RTF2: variants seen among roughly 807,000 people sequenced by gnomAD.
RTF2 encodes UPF0549 protein C20orf43.
A neutral mutation model predicts 38.0 loss-of-function variants in RTF2; 18 were observed. The observed-to-expected ratio is 0.47, with a 90% CI of 0.33 to 0.70. The LOEUF (loss-of-function observed/expected upper bound fraction) is 0.70, where lower values mean the gene tolerates loss of function less well. RTF2 is among the 30% of genes least tolerant of loss of function. The pLI is 0.02. For synonymous variants in RTF2, 126 were observed against 137.1 expected, an observed-to-expected ratio of 0.92 and a Z score of 0.57; for missense variants, 311 against 379.6, an observed-to-expected ratio of 0.82 and a Z score of 1.50.
At chr20:56,515,058 G>C (rs1984938903) in intron 6 of RTF2, among the ~76,000 whole-genome samples, 1 of 150,296 alleles carries the variant, frequency 6.7e-6, no homozygotes, top group Non-Finnish European at 1.5e-5. Context: ...AAAGCCGCTT[G>C]GCCATTGAAA....
chr20:56,471,087 A>G (rs2146311579), intron 1 of RTF2: 1 of 186,794 alleles, frequency 5.4e-6, no homozygotes, highest in Non-Finnish European at 1.2e-5. Context: ...CGGGGTAGGG[A>G]CAGTATTATG....
At chr20:56,471,432 G>T (rs1312000640) in intron 1 of RTF2, among the ~76,000 whole-genome samples, 1 of 152,108 alleles carries the variant, frequency 6.6e-6, no homozygotes, top group African/African-American at 2.4e-5. Context: ...GCCGGGCATG[G>T]TGGCAGGTGC....
chr20:56,493,132 C>G (rs1370873403), intron 5 of RTF2, among the ~76,000 whole-genome samples: 1 of 152,084 alleles, frequency 6.6e-6, no homozygotes, highest in Non-Finnish European at 1.5e-5. Flanking sequence ...GCCGAGATTG[C>G]ACCACTGCCC....
At position 56,494,438 on chromosome 20, in the gene RTF2, T is replaced by C. The variant is rs138540667; in HGVS notation, c.477+10249T>C. Among the ~76,000 whole-genome samples the C allele has an allele frequency of 5.5e-3, 833 of 152,332 alleles. 6 individuals are homozygous for C. The highest frequency in any genetic ancestry group is 0.018 in the African/African-American group (753 of 41,580). ...GGGGCTCCTGTTTTCAGGAAGAATC[T>C]GAGCCCCCTGCTTTTTCTGAGCATT... On this transcript the variant is annotated intron_variant, in intron 5 of 8. Transcript: ENST00000357348.
At chr20:56,506,485 T>C (rs551678362) in intron 5 of RTF2, among the ~76,000 whole-genome samples, 33 of 152,294 alleles carry the variant, frequency 2.2e-4, no homozygotes, top group Admixed American at 1.9e-3. Context: ...GTGATATAAA[T>C]ATCTAGATAC....
intron 5 of RTF2, among the ~76,000 whole-genome samples, chr20:56,495,931 T>A (rs1983499559): frequency 6.6e-6 from 1 of 152,226 alleles, no homozygotes; most frequent in African/African-American, 2.4e-5. Context: ...CATTACTAGC[T>A]TTAACATTTT....
At chr20:56,479,150 C>T (rs1252281163) in intron 4 of RTF2, among the ~76,000 whole-genome samples, 3 of 152,224 alleles carry the variant, frequency 2.0e-5, no homozygotes, top group Non-Finnish European at 4.4e-5. Flanking sequence ...GGGGTGGAAT[C>T]AGCTTCTTCC....
chr20:56,512,937 G>A (rs553010407), intron 5 of RTF2, among the ~76,000 whole-genome samples: 2 of 152,220 alleles, frequency 1.3e-5, no homozygotes, highest in East Asian at 3.9e-4. Flanking sequence ...TTATACCCTC[G>A]GCCCAGCATG....
At chr20:56,509,554 A>C (rs930833290) in intron 5 of RTF2, among the ~76,000 whole-genome samples, 16 of 150,778 alleles carry the variant, frequency 1.1e-4, no homozygotes, top group African/African-American at 3.7e-4. Context: ...TGGAGGTTGC[A>C]GTGAGCCGAG....
chr20:56,497,182 C>G, intron 5 of RTF2: 1 of 1,551,334 alleles, frequency 6.4e-7, no homozygotes, highest in Non-Finnish European at 8.7e-7. Flanking sequence ...GCCTTTTCAT[C>G]AACATGAATA....
chr20:56,518,192 C>T lies in RTF2; in HGVS notation c.848C>T (p.Thr283Ile). ...TCGGAGGCCTACAAGTCCCTCTTTACCACTCACAGCTCCGCCAAGCGCTCC... is the reference window on the plus strand; with the variant it reads ...TCGGAGGCCTACAAGTCCCTCTTTATCACTCACAGCTCCGCCAAGCGCTCC... ...EESEAYKSLFTTHSSAKRSKE... is the reference protein window; with the variant it reads ...EESEAYKSLFITHSSAKRSKE... The change falls in exon 9 of 9, where the codon ACC (threonine) becomes ATC (isoleucine). Residue 283 changes from threonine (T) to isoleucine (I), a missense_variant. Transcript: ENST00000357348. 6.2e-7 allele frequency: 1 copy of T among 1,614,174 alleles called. No homozygotes were observed. The highest frequency in any genetic ancestry group is 8.5e-7 in the Non-Finnish European group (1 of 1,180,024).
chr20:56,481,323 T>C (rs994316645), intron 4 of RTF2, among the ~76,000 whole-genome samples: 1 of 152,230 alleles, frequency 6.6e-6, no homozygotes, highest in Admixed American at 6.5e-5. Flanking sequence ...ACCCTCTCAG[T>C]GTGCCAGGCC....
chr20:56,469,844 A>G (rs780879997), intron 1 of RTF2, among the ~76,000 whole-genome samples: 3 of 152,150 alleles, frequency 2.0e-5, no homozygotes, highest in African/African-American at 4.8e-5. Flanking sequence ...TTGTTCTTCA[A>G]CCTGGAGTGT....
chr20:56,477,925 G>A (rs191319761), intron 4 of RTF2, among the ~76,000 whole-genome samples: 3 of 152,358 alleles, frequency 2.0e-5, no homozygotes, highest in East Asian at 3.9e-4. Context: ...TTCTCTGGCT[G>A]TAGCACTGGG....
chr20:56,468,686 T>A lies in RTF2; in HGVS notation c.-12T>A. 6.4e-7 allele frequency: 1 copy of A among 1,570,492 alleles called. No individual in the cohort carries two copies. The highest frequency in any genetic ancestry group is 8.6e-7 in the Non-Finnish European group (1 of 1,157,992). ...TTGGGGGTTTGCTGCTGGCTCTGAC[T>A]CCCGTCCTGCGATGGGTTGCGACGG... On this transcript the variant is annotated 5_prime_UTR_variant, in exon 1 of 9. Transcript: ENST00000357348.
intron 4 of RTF2, among the ~76,000 whole-genome samples, chr20:56,479,470 C>T (rs1043222896): frequency 1.2e-4 from 18 of 152,168 alleles, no homozygotes; most frequent in Admixed American, 6.5e-4. Flanking sequence ...GATGATCTGC[C>T]TGCCTCAGCC....
At chr20:56,485,334 G>A (rs757398929) in intron 5 of RTF2, among the ~76,000 whole-genome samples, 1 of 152,210 alleles carries the variant, frequency 6.6e-6, no homozygotes, top group Non-Finnish European at 1.5e-5. Flanking sequence ...TGCGAGTTCA[G>A]TGAACAGAAA....
At chr20:56,479,169 A>G (rs934178163) in intron 4 of RTF2, among the ~76,000 whole-genome samples, 4 of 152,058 alleles carry the variant, frequency 2.6e-5, no homozygotes, top group Admixed American at 6.6e-5. Flanking sequence ...CCAAACTCCT[A>G]TTAATGTTGA....
intron 1 of RTF2, among the ~76,000 whole-genome samples, chr20:56,469,299 T>C (rs972675203): frequency 1.2e-4 from 19 of 152,260 alleles, no homozygotes; most frequent in Admixed American, 2.0e-4. Context: ...GGTAAGTTCC[T>C]GATAGCAGAG....
Sources: gnomAD v4.1 joint callset for allele counts (sites outside exome capture counted in the v4.1 genomes callset) on GRCh38, gnomAD v4.1.1 for gene constraint, MANE v1.5 for transcripts, NCBI Gene and HGNC (gene_info 2026-07-23, HGNC 2026-07-21) for gene names.